The following ZNF273 variants were observed in gnomAD, a reference collection of about 807,000 sequenced individuals.
ZNF273 encodes zinc finger protein 9.
ZNF273 carries 11 observed loss-of-function variants against 14.9 expected under a neutral mutation model. That is an observed-to-expected ratio of 0.74 (90% CI 0.46 to 1.22). The LOEUF (loss-of-function observed/expected upper bound fraction) is 1.22. Ranked by LOEUF, ZNF273 falls within the 50% of genes most tolerant of loss-of-function variation. The probability of loss-of-function intolerance (pLI) is 0.00; values close to 1 mark genes in which losing one functional copy is unlikely to be tolerated. For missense variants in ZNF273, 577 were observed against 660.6 expected (o/e 0.87, Z 1.39); for synonymous variants, 199 against 223.9 (o/e 0.89, Z 0.99).
downstream of ZNF273, among the ~76,000 whole-genome samples, chr7:64,883,994 C>T (rs913353953): frequency 6.6e-6 from 1 of 152,212 alleles, no homozygotes; most frequent in African/African-American, 2.4e-5. Flanking sequence ...CTTGTTCTCC[C>T]ACTTCTATAG....
At chr7:64,890,640 T>A (rs1583964367), downstream of ZNF273, among the ~76,000 whole-genome samples, 5 of 152,340 alleles carry the variant, frequency 3.3e-5, 1 homozygote, top group Admixed American at 3.3e-4. Context: ...CCAAGCTCTA[T>A]TTCTCTGAGG....
chr7:64,900,286 C>T (rs999269142), upstream of ZNF273, among the ~76,000 whole-genome samples: 3 of 152,002 alleles, frequency 2.0e-5, no homozygotes, highest in African/African-American at 4.8e-5. Flanking sequence ...GCCACCATGC[C>T]GGGCAATTTT....
intron 1 of ZNF273, among the ~76,000 whole-genome samples, chr7:64,887,463 T>G (rs1317949336): frequency 2.6e-5 from 4 of 152,162 alleles, no homozygotes; most frequent in African/African-American, 9.7e-5. Flanking sequence ...GTCCTCTGGA[T>G]GAAGGACAAC....
At chr7:64,901,391 C>T (rs1434611980), upstream of ZNF273, among the ~76,000 whole-genome samples, 1 of 152,194 alleles carries the variant, frequency 6.6e-6, no homozygotes, top group African/African-American at 2.4e-5. Flanking sequence ...TAACCCTATG[C>T]CACCGGAATG....
At chr7:64,888,287 T>C in intron 1 of ZNF273, 2 of 985,258 alleles carry the variant, frequency 2.0e-6, no homozygotes, top group Non-Finnish European at 2.4e-6. Context: ...TGGGGGTCCT[T>C]CCTCCTGTGA....
chr7:64,925,315 T>C (rs972303155), intron 3 of ZNF273, among the ~76,000 whole-genome samples: 1 of 152,154 alleles, frequency 6.6e-6, no homozygotes, highest in Non-Finnish European at 1.5e-5. Context: ...TTCTTTCTTA[T>C]TTGTGTATCC....
intron 1 of ZNF273, among the ~76,000 whole-genome samples, chr7:64,885,337 G>A (rs1156484678): frequency 6.6e-6 from 1 of 152,206 alleles, no homozygotes; most frequent in Non-Finnish European, 1.5e-5. Flanking sequence ...CCTTCTGTTA[G>A]GACAGAGATA....
At chr7:64,936,750 A>G in the ZNF273 span, among the ~76,000 whole-genome samples, 115 of 152,252 alleles carry the variant, frequency 7.6e-4, no homozygotes, top group Non-Finnish European at 1.5e-3. Flanking sequence ...TTTGTGTTAA[A>G]TAACAGTGTT....
At chr7:64,884,728 C>T (rs551143345), downstream of ZNF273, among the ~76,000 whole-genome samples, 5 of 152,288 alleles carry the variant, frequency 3.3e-5, no homozygotes, top group Admixed American at 6.5e-5. Context: ...TCCCTGGGAC[C>T]GGATTCTTGC....
chr7:64,904,173 A>G (rs1308387409), intron 1 of ZNF273, among the ~76,000 whole-genome samples: 4 of 152,054 alleles, frequency 2.6e-5, no homozygotes, highest in Non-Finnish European at 4.4e-5. Context: ...ACTGCAACCA[A>G]CGCCTCCCGG....
At chr7:64,890,421 C>G (rs1189596638), downstream of ZNF273, among the ~76,000 whole-genome samples, 2 of 152,074 alleles carry the variant, frequency 1.3e-5, no homozygotes, top group Admixed American at 1.3e-4. Flanking sequence ...CCTTTTCCTG[C>G]TGTTCCAATA....
At chr7:64,889,598 G>T, downstream of ZNF273, 1 of 986,072 alleles carries the variant, frequency 1.0e-6, no homozygotes, top group Non-Finnish European at 1.2e-6. The surrounding 1 kb of genome is among the most constrained non-coding windows in gnomAD (Gnocchi z 4.2). Context: ...CGGGGATGGG[G>T]GTCCCCGCGC....
At chr7:64,879,335 G>A (rs1791191588) in intron 2 of ZNF273, 1 of 152,382 alleles carries the variant, frequency 6.6e-6, no homozygotes, top group South Asian at 2.1e-4. Context: ...ATCCCTCAAA[G>A]TGGGTTGGAC....
chr7:64,896,422 C>G (rs966387413), intron 3 of ZNF273, among the ~76,000 whole-genome samples: 2 of 152,108 alleles, frequency 1.3e-5, no homozygotes, highest in South Asian at 2.1e-4. Context: ...AATCTATATG[C>G]AAAAATTAGC....
chr7:64,887,453 G>A (rs1255081577), intron 1 of ZNF273, among the ~76,000 whole-genome samples: 1 of 152,214 alleles, frequency 6.6e-6, no homozygotes, highest in Non-Finnish European at 1.5e-5. Context: ...GAGGGCCAGT[G>A]TCCTCTGGAT....
At chr7:64,922,022 G>C (rs901076248) in intron 3 of ZNF273, among the ~76,000 whole-genome samples, 5 of 151,788 alleles carry the variant, frequency 3.3e-5, no homozygotes, top group Admixed American at 3.3e-4. Flanking sequence ...TTTTCCAATA[G>C]GTTACTTTCA....
chr7:64,925,996 T>G (rs1183417980), intron 3 of ZNF273, among the ~76,000 whole-genome samples: 4 of 152,218 alleles, frequency 2.6e-5, no homozygotes, highest in African/African-American at 7.2e-5. Flanking sequence ...TTGCATCATG[T>G]TATTTTCAGT....
chr7:64,914,180 G>GTTTTTTTTTTTTTTTTTTTTTTTT lies in ZNF273; in HGVS notation c.103-3400_103-3399insTTTTTTTTTTTTTTTTTTTTTTTT. Among the ~76,000 whole-genome samples, 2 of 63,072 alleles carry GTTTTTTTTTTTTTTTTTTTTTTTT rather than the reference G, an allele frequency of 3.2e-5. 1 individual carries two copies. Among genetic ancestry groups the GTTTTTTTTTTTTTTTTTTTTTTTT allele is most frequent in the Non-Finnish European group, 5.8e-5 (2 of 34,236 alleles). 41.4% of individuals were successfully genotyped at this position (63,072 alleles called of 152,430 possible). A position where few individuals can be genotyped will look rare whatever the true frequency, so the allele number is the denominator to read the frequency against. Reference sequence around the variant, plus strand: ...GCACCACTACGTCCTGGTAATTTTTGTATTTTTTTTTTTTTTTTTTTTTTT... The same window carrying GTTTTTTTTTTTTTTTTTTTTTTTT: ...GCACCACTACGTCCTGGTAATTTTTGTTTTTTTTTTTTTTTTTTTTTTTTTATTTTTTTTTTTTTTTTTTTTTTT... On this transcript the variant is annotated intron_variant, in intron 1 of 3. Transcript: ENST00000476120.
downstream of ZNF273, among the ~76,000 whole-genome samples, chr7:64,931,151 G>A (rs1794983649): frequency 6.6e-6 from 1 of 152,084 alleles, no homozygotes; most frequent in Non-Finnish European, 1.5e-5. Flanking sequence ...GTGTGAGTAT[G>A]TTTGTACCTG....
Sources: gnomAD v4.1 joint callset for allele counts (sites outside exome capture counted in the v4.1 genomes callset) on GRCh38, gnomAD v4.1.1 for gene constraint, Gnocchi (gnomAD v3.1) non-coding constraint, MANE v1.5 for transcripts, NCBI Gene and HGNC (gene_info 2026-07-23, HGNC 2026-07-21) for gene names.